DYRK3: variants seen among roughly 807,000 people sequenced by gnomAD.
DYRK3 encodes dual specificity tyrosine phosphorylation regulated kinase 3.
DYRK3 carries 30 observed loss-of-function variants against 40.8 expected under a neutral mutation model. The observed-to-expected ratio is 0.74, with a 90% CI of 0.55 to 1.00. The LOEUF (loss-of-function observed/expected upper bound fraction) is 1.00. Among genes scored for constraint, DYRK3 ranks in the 50% least tolerant of loss-of-function variants. DYRK3 has a pLI of 0.00. For missense variants in DYRK3, 699 were observed against 731.5 expected (o/e 0.96, Z 0.51); for synonymous variants, 272 against 260.7 (o/e 1.04, Z -0.42).
chr1:206,635,733 G>A lies in DYRK3; in HGVS notation c.30G>A (p.Arg10=). 1 of 1,246,664 alleles carries A rather than the reference G, an allele frequency of 8.0e-7. No homozygotes were observed. The allele number at this position is 1,246,664 out of a possible 1,614,324, so 77.2% of individuals were successfully genotyped here. The change falls in exon 1 of 3, where the codon CGG becomes CGA. Residue 10 remains arginine, a synonymous_variant. Coordinates refer to ENST00000367109, the MANE Select transcript of DYRK3 (RefSeq NM_003582.4). The part of the protein sequence containing the change: MGGTARGPG[R]KDAGPPGAGL... ...GAGGCACAGCTCGTGGGCCTGGGCGGAAGGATGCGGGGCCGCCTGGGGCCG... is the reference window on the plus strand; with the variant it reads ...GAGGCACAGCTCGTGGGCCTGGGCGAAAGGATGCGGGGCCGCCTGGGGCCG...
chr1:206,642,991 C>T (rs1024998707), intron 2 of DYRK3, among the ~76,000 whole-genome samples: 1 of 151,836 alleles, frequency 6.6e-6, no homozygotes, highest in African/African-American at 2.4e-5. Flanking sequence ...AAAATTACCT[C>T]CCAGAATTCT....
At chr1:206,644,031 C>CGTTTTTTTTTT (rs1671373528) in intron 2 of DYRK3, among the ~76,000 whole-genome samples, 1 of 101,050 alleles carries the variant, frequency 9.9e-6, no homozygotes, top group South Asian at 4.0e-4. Flanking sequence ...GGACCTACAG[C>CGTTTTTTTTTT]TTTTTTTTTT....
chr1:206,648,959 T>C lies in DYRK3; in HGVS notation c.1761T>C (p.Ile587=), dbSNP rs1005365600. The C allele has an allele frequency of 1.2e-6, 2 of 1,608,152 alleles. No homozygotes were observed. The highest frequency in any genetic ancestry group is 1.3e-5 in the African/African-American group (1 of 74,870). Reference sequence around the variant, plus strand: ...TATGCAGTGTATTGCCAAAACTGATTAGCTAGTGGACAGAGATATGCCCAG... The same window carrying C: ...TATGCAGTGTATTGCCAAAACTGATCAGCTAGTGGACAGAGATATGCCCAG... ...IPLCSVLPKL[I]S The change falls in exon 3 of 3, where the codon ATT becomes ATC. Residue 587 remains isoleucine, a synonymous_variant. Transcript: ENST00000367109.
chr1:206,638,953 C>T (rs1553418850), intron 2 of DYRK3, among the ~76,000 whole-genome samples: 2 of 146,720 alleles, frequency 1.4e-5, no homozygotes, highest in African/African-American at 5.1e-5. Flanking sequence ...CATGTCAGCT[C>T]ATTGCAACCT....
chr1:206,637,626 T>G (rs1553418565), intron 1 of DYRK3, 24 bp from the exon 2 acceptor site: 1 of 1,533,862 alleles, frequency 6.5e-7, no homozygotes, highest in African/African-American at 1.4e-5. Flanking sequence ...CCTGACAGAT[T>G]TTGTCTGTAA....
chr1:206,637,756 C>G lies in DYRK3; in HGVS notation c.184C>G (p.Leu62Val). Residue 62 changes from leucine to valine, a missense_variant, in exon 2 of 3, where the codon CTA becomes GTA. By Grantham distance (32) the Leu-to-Val change is conservative (BLOSUM62 1). Coordinates refer to ENST00000367109, the MANE Select transcript of DYRK3 (RefSeq NM_003582.4). ...TTCTGAACCACCTCCACCCAGAAGA[C>G]TAAATGTAAGTAAAAGAAGTCATTC... ...NPSEPPPPRRLNMTTEQFTGD... is the reference protein window; with the variant it reads ...NPSEPPPPRRVNMTTEQFTGD... 3 of 1,608,654 alleles carry G rather than the reference C, an allele frequency of 1.9e-6. No homozygotes were observed.
Position 206,648,358 on chromosome 1 carries a change from GC to G in DYRK3, c.1161del (p.Ser387ArgfsTer17). 6.2e-7 allele frequency: 1 copy of G among 1,614,160 alleles called. No homozygotes were observed. The highest frequency in any genetic ancestry group is 8.5e-7 in the Non-Finnish European group (1 of 1,180,028). On this transcript the variant is annotated frameshift_variant, in exon 3 of 3. Coordinates refer to ENST00000367109, the MANE Select transcript of DYRK3 (RefSeq NM_003582.4). LOFTEE classifies it high-confidence loss of function. ...APEIILGSRY[S>X]TPIDIWSFGC... ...GAAATCATCTTAGGAAGCCGCTACA[GC>G]ACACCAATTGACATATGGAGTTTTG... is the stretch of plus-strand genomic sequence containing the variant.
rs567880927 is a variant in DYRK3 at position 206,640,971 on chromosome 1, C to G, written c.189+3210C>G. Among the ~76,000 whole-genome samples, 136 of 152,250 alleles carry G rather than the reference C, an allele frequency of 8.9e-4. 1 individual carries two copies. Among genetic ancestry groups the G allele is most frequent in the Non-Finnish European group, 1.9e-3 (126 of 68,014 alleles). Reference sequence around the variant, plus strand: ...ATGAAATAAAACATGATAAATATGACATTATTCATGTCTCTGGATATAATT... The same window carrying G: ...ATGAAATAAAACATGATAAATATGAGATTATTCATGTCTCTGGATATAATT... On this transcript the variant is annotated intron_variant, in intron 2 of 2. Transcript: ENST00000367109.
Position 206,647,775 on chromosome 1 carries a change from G to A in DYRK3, c.577G>A (p.Ala193Thr). The change falls in exon 3 of 3, where the codon GCA (alanine) becomes ACA (threonine). Residue 193 changes from alanine (A) to threonine (T), a missense_variant. By Grantham distance (58) the Ala-to-Thr change is moderately conservative. Coordinates refer to ENST00000367109, the MANE Select transcript of DYRK3 (RefSeq NM_003582.4). ...GGPNNGGYDD[A>T]DGAYIHVPRD... The stretch of plus-strand genomic sequence containing the variant: ...TCCCAATAATGGAGGGTATGATGAT[G>A]CAGATGGGGCCTATATTCATGTACC... 2 of 1,614,130 alleles carry A rather than the reference G, an allele frequency of 1.2e-6. No individual in the cohort carries two copies. The highest frequency in any genetic ancestry group is 1.7e-6 in the Non-Finnish European group (2 of 1,180,020).
chr1:206,644,830 A>G (rs892521980), intron 2 of DYRK3, among the ~76,000 whole-genome samples: 7 of 152,320 alleles, frequency 4.6e-5, no homozygotes, highest in Non-Finnish European at 7.4e-5. Context: ...GTGAGCCACC[A>G]CGGCTGGCCA....
rs79148746 is a variant in DYRK3 at position 206,643,818 on chromosome 1, A to G, written c.190-3570A>G. ...GGAAGCCGCCAGCAAGAGAAGAGAG[A>G]AAAGGGGAAGGGGAAGGGTGTATAG... On this transcript the variant is annotated intron_variant, in intron 2 of 2. Transcript: ENST00000367109. Among the ~76,000 whole-genome samples the G allele has an allele frequency of 5.9e-5, 9 of 152,202 alleles. No individual in the cohort carries two copies. The East Asian group carries it at 1.7e-3, about 29-fold the overall frequency.
intron 2 of DYRK3, among the ~76,000 whole-genome samples, chr1:206,641,459 A>G (rs1671288210): frequency 1.3e-5 from 2 of 150,072 alleles, no homozygotes; most frequent in Non-Finnish European, 2.9e-5. Flanking sequence ...ATATATATAT[A>G]CCATAATTTC....
rs200157323 is a variant in DYRK3, at chr1:206,635,724, G to T, written c.21G>T (p.Gly7=). 13 of 1,247,334 alleles carry T rather than the reference G, an allele frequency of 1.0e-5. No individual in the cohort carries two copies. The highest frequency in any genetic ancestry group is 1.3e-5 in the Non-Finnish European group (13 of 989,586). The allele number at this position is 1,247,334 out of a possible 1,614,324, so 77.3% of individuals were successfully genotyped here. ...AGGAGATGGGAGGCACAGCTCGTGGGCCTGGGCGGAAGGATGCGGGGCCGC... is the reference window on the plus strand; with the variant it reads ...AGGAGATGGGAGGCACAGCTCGTGGTCCTGGGCGGAAGGATGCGGGGCCGC... MGGTAR[G]PGRKDAGPPG... is the part of the protein sequence containing the mutation. Residue 7 remains glycine, a synonymous_variant, in exon 1 of 3, where the codon GGG becomes GGT. Coordinates refer to ENST00000367109, the MANE Select transcript of DYRK3 (RefSeq NM_003582.4).
intron 2 of DYRK3, 63 bp downstream of exon 2, chr1:206,637,824 T>C (rs1671161807): frequency 7.6e-7 from 1 of 1,317,076 alleles, no homozygotes; most frequent in Admixed American, 1.7e-5. Flanking sequence ...TGCTACTTAA[T>C]GCTCAAGGTA....
chr1:206,648,536 G>C lies in DYRK3; in HGVS notation c.1338G>C (p.Lys446Asn). The C allele has an allele frequency of 6.2e-7, 1 of 1,614,140 alleles. No homozygotes were observed. The highest frequency in any genetic ancestry group is 8.5e-7 in the Non-Finnish European group (1 of 1,180,018). The change falls in exon 3 of 3, where the codon AAG (lysine) becomes AAC (asparagine). Residue 446 changes from lysine to asparagine, a missense_variant. Transcript: ENST00000367109. The part of the protein sequence containing the change: ...SKRAKYFINS[K>N]GIPRYCSVTT... ...GTGCCAAGTACTTTATTAATTCCAA[G>C]GGCATACCCCGCTACTGCTCTGTGA...
Position 206,649,142 on chromosome 1 carries a change from C to A in DYRK3, c.*177C>A. 1.6e-6 allele frequency: 1 copy of A among 640,296 alleles called. No individual in the cohort carries two copies. Among genetic ancestry groups the A allele is most frequent in the Non-Finnish European group, 2.5e-6 (1 of 393,338 alleles). 39.7% of individuals were successfully genotyped at this position (640,296 alleles called of 1,614,324 possible). A position where few individuals can be genotyped will look rare whatever the true frequency, so the allele number is the denominator to read the frequency against. ...ATTCTTCAAGGGCTAATTACCTAAC[C>A]AGCTTGTATTGGCCATCTGGAATAT... is the stretch of plus-strand genomic sequence containing the variant. On this transcript the variant is annotated 3_prime_UTR_variant, in exon 3 of 3. Coordinates refer to ENST00000367109, the MANE Select transcript of DYRK3 (RefSeq NM_003582.4).
rs1483581664 is a variant in DYRK3, at chr1:206,650,963, C to T, written c.*1998C>T. 1.3e-5 allele frequency among the ~76,000 whole-genome samples: 2 copies of T among 152,218 alleles called. No individual in the cohort carries two copies. Among genetic ancestry groups the T allele is most frequent in the African/African-American group, 4.8e-5 (2 of 41,448 alleles). On this transcript the variant is annotated 3_prime_UTR_variant, in exon 3 of 3. Coordinates refer to ENST00000367109, the MANE Select transcript of DYRK3 (RefSeq NM_003582.4). ...GGATTATTTAAAACCTTAATTATCTCCTTTACTCCTGGTTTACAGAAGGCA... is the reference window on the plus strand; with the variant it reads ...GGATTATTTAAAACCTTAATTATCTTCTTTACTCCTGGTTTACAGAAGGCA...
At position 206,635,545 on chromosome 1, in the gene DYRK3, CCGGGGCCAGT is replaced by C; in HGVS notation, c.-154_-145del. ...GGAGCTGCGTCTCCCCACTTCCCAG[CCGGGGCCAGT>C]CGGGAGCGAAAGTGCGCTGAGCTGC... is the stretch of plus-strand genomic sequence containing the variant. On this transcript the variant is annotated 5_prime_UTR_variant, in exon 1 of 3. Transcript: ENST00000367109. 1.0e-6 allele frequency: 1 copy of C among 971,148 alleles called. No homozygotes were observed. Among genetic ancestry groups the C allele is most frequent in the Non-Finnish European group, 1.3e-6 (1 of 750,958 alleles). 60.2% of individuals were successfully genotyped at this position (971,148 alleles called of 1,614,324 possible).
chr1:206,637,726 A>C lies in DYRK3; in HGVS notation c.154A>C (p.Asn52His). ...TCCCCCCTGTTCAAATGTACTCTGC[A>C]ATCCTTCTGAACCACCTCCACCCAG... The part of the protein sequence containing the change: ...KCPPCSNVLC[N>H]PSEPPPPRRL... Residue 52 changes from asparagine (N) to histidine (H), a missense_variant, in exon 2 of 3, where the codon AAT becomes CAT. By Grantham distance (68) the Asn-to-His change is moderately conservative. Coordinates refer to ENST00000367109, the MANE Select transcript of DYRK3 (RefSeq NM_003582.4). 6.2e-7 allele frequency: 1 copy of C among 1,614,046 alleles called. No homozygotes were observed. The highest frequency in any genetic ancestry group is 8.5e-7 in the Non-Finnish European group (1 of 1,179,926).
Sources: gnomAD v4.1 joint callset for allele counts (sites outside exome capture counted in the v4.1 genomes callset) on GRCh38, gnomAD v4.1.1 for gene constraint, MANE v1.5 for transcripts, NCBI Gene and HGNC (gene_info 2026-07-23, HGNC 2026-07-21) for gene names.